The following RTF2 variants were observed in gnomAD, a reference collection of about 807,000 sequenced individuals.
RTF2 encodes UPF0549 protein C20orf43.
In RTF2, 18 loss-of-function variants were observed where a neutral mutation model predicts 38.0. The ratio of observed to expected loss-of-function variants is 0.47; its 90% CI spans 0.33 to 0.70. The LOEUF is 0.70. Among genes scored for constraint, RTF2 ranks in the 30% least tolerant of loss-of-function variants. RTF2 has a pLI of 0.02. For synonymous variants in RTF2, 126 were observed against 137.1 expected (o/e 0.92, Z 0.57); for missense variants, 311 against 379.6 (o/e 0.82, Z 1.50).
chr20:56,498,580 A>G (rs1401068877), intron 5 of RTF2, among the ~76,000 whole-genome samples: 2 of 152,192 alleles, frequency 1.3e-5, no homozygotes, highest in Non-Finnish European at 2.9e-5. Flanking sequence ...ACATTATTTG[A>G]TAATCATGTA....
At chr20:56,491,682 G>GGTCT in intron 5 of RTF2, 1 of 1,552,252 alleles carries the variant, frequency 6.4e-7, no homozygotes, top group African/African-American at 1.4e-5. Context: ...ACCACAAGCG[G>GGTCT]GTCTGTCGAG....
At chr20:56,469,501 C>T (rs577722958) in intron 1 of RTF2, among the ~76,000 whole-genome samples, 1 of 152,202 alleles carries the variant, frequency 6.6e-6, no homozygotes, top group Non-Finnish European at 1.5e-5. Context: ...GGTAGTGAAG[C>T]CAGGATTCCC....
intron 1 of RTF2, among the ~76,000 whole-genome samples, chr20:56,471,105 GC>G (rs1045335619): frequency 2.6e-5 from 4 of 152,100 alleles, no homozygotes; most frequent in African/African-American, 4.8e-5. Context: ...ATGGGACTGA[GC>G]CCTTAACCTT....
intron 5 of RTF2, among the ~76,000 whole-genome samples, chr20:56,492,231 C>T (rs1983196469): frequency 6.6e-6 from 1 of 151,668 alleles, no homozygotes; most frequent in Non-Finnish European, 1.5e-5. Context: ...ACATGCACCA[C>T]CATGCCCAGC....
intron 2 of RTF2, 70 bp from the exon 3 acceptor site, chr20:56,474,608 G>T: frequency 1.0e-6 from 1 of 980,870 alleles, no homozygotes; most frequent in African/African-American, 1.6e-5. Flanking sequence ...ATTGTGTTCA[G>T]TTTATTCTTC....
In RTF2 at chr20:56,484,189, G is replaced by A. The variant is rs531142784; in HGVS notation, c.477G>A (p.Thr159=). The change falls in exon 5 of 9, where the codon ACG becomes ACA. Residue 159 remains threonine, a splice_region_variant and synonymous_variant. Transcript: ENST00000357348. ...AGATAAAAGCGGAAGTTTGCCACAC[G>A]GTGAGTTCCTGACATGTACCATTTG... ...LKEIKAEVCH[T]CGAAFQEDDV... is the part of the protein sequence containing the mutation. 8 of 1,612,400 alleles carry A rather than the reference G, an allele frequency of 5.0e-6. No homozygotes were observed. The highest frequency in any genetic ancestry group is 3.3e-5 in the South Asian group (3 of 91,028).
intron 4 of RTF2, among the ~76,000 whole-genome samples, chr20:56,477,484 A>G (rs1402161750): frequency 6.6e-6 from 1 of 152,214 alleles, no homozygotes; most frequent in Non-Finnish European, 1.5e-5. Flanking sequence ...TTTCCTATCA[A>G]GCAAATCCCA....
chr20:56,479,938 CA>C, intron 4 of RTF2, among the ~76,000 whole-genome samples: 1 of 151,536 alleles, frequency 6.6e-6, no homozygotes, highest in Middle Eastern at 3.4e-3. Context: ...AGAGTACAGG[CA>C]GAGTAGACTT....
chr20:56,505,004 A>G (rs1489427079), intron 5 of RTF2, among the ~76,000 whole-genome samples: 1 of 152,222 alleles, frequency 6.6e-6, no homozygotes, highest in East Asian at 1.9e-4. Context: ...TGTGGCATTC[A>G]TGTGGCCTTC....
intron 5 of RTF2, chr20:56,496,808 G>C (rs200535358): frequency 1.1e-4 from 176 of 1,551,904 alleles, no homozygotes; most frequent in Non-Finnish European, 1.5e-4. Context: ...GGGGTGGTTT[G>C]TCTTTGAATC....
At chr20:56,506,705 AT>A (rs543477984) in intron 5 of RTF2, among the ~76,000 whole-genome samples, 19 of 148,802 alleles carry the variant, frequency 1.3e-4, no homozygotes, top group South Asian at 2.1e-4. Context: ...ATGTATTATA[AT>A]TTTTTTTTTT....
Position 56,513,195 on chromosome 20 carries a change from G to A in RTF2, c.478-120G>A, listed in dbSNP as rs529873207. On this transcript the variant is annotated intron_variant, in intron 5 of 8. Coordinates refer to ENST00000357348, the MANE Select transcript of RTF2 (RefSeq NM_016407.5). ...AAACCAAGGCTTTGACCAGAAAGCC[G>A]GTAATAGGAATTTACTCGGAGCCTG... is the stretch of plus-strand genomic sequence containing the variant. The A allele has an allele frequency of 2.5e-4, 333 of 1,351,030 alleles. 1 individual carries two copies. The African/African-American group carries it at 2.5e-3, about 10-fold the overall frequency. 83.7% of individuals were successfully genotyped at this position (1,351,030 alleles called of 1,614,324 possible).
chr20:56,505,490 A>AATAATAAT (rs1017097058), intron 5 of RTF2, among the ~76,000 whole-genome samples: 3 of 146,948 alleles, frequency 2.0e-5, no homozygotes, highest in Non-Finnish European at 3.0e-5. Context: ...GCCATCTCAT[A>AATAATAAT]ATAATAATAA....
intron 5 of RTF2, among the ~76,000 whole-genome samples, chr20:56,508,559 G>C (rs985884482): frequency 2.6e-5 from 4 of 152,118 alleles, no homozygotes; most frequent in Non-Finnish European, 5.9e-5. Flanking sequence ...ACATTTAATA[G>C]AGTTTTTCAT....
intron 5 of RTF2, chr20:56,495,359 G>A (rs1361308361): frequency 3.2e-6 from 4 of 1,249,894 alleles, no homozygotes; most frequent in Non-Finnish European, 4.6e-6. Context: ...TTTAGTACAA[G>A]TTCTTCTGTG....
chr20:56,468,873 C>T, intron 1 of RTF2, 107 bp downstream of exon 1: 2 of 902,338 alleles, frequency 2.2e-6, no homozygotes, highest in Non-Finnish European at 3.5e-6. Context: ...CCAGACCTGG[C>T]TGCGGTCTTT....
intron 4 of RTF2, among the ~76,000 whole-genome samples, chr20:56,481,605 G>A (rs1982527874): frequency 6.6e-6 from 1 of 151,726 alleles, no homozygotes; most frequent in Admixed American, 6.6e-5. Context: ...ATGTGTGTGT[G>A]TTTGCATATA....
chr20:56,497,742 A>G (rs1307372951), intron 5 of RTF2: 6 of 491,926 alleles, frequency 1.2e-5, no homozygotes, highest in Non-Finnish European at 1.6e-5. Context: ...ACTAAACTAC[A>G]TATACACACC....
intron 5 of RTF2, among the ~76,000 whole-genome samples, chr20:56,512,462 C>CATGG (rs1328371699): frequency 3.5e-4 from 53 of 152,116 alleles, no homozygotes; most frequent in Non-Finnish European, 7.2e-4. Context: ...CCACCAGTGA[C>CATGG]AGCATGGTCA....
Sources: gnomAD v4.1 joint callset for allele counts (sites outside exome capture counted in the v4.1 genomes callset) on GRCh38, gnomAD v4.1.1 for gene constraint, MANE v1.5 for transcripts, NCBI Gene and HGNC (gene_info 2026-07-23, HGNC 2026-07-21) for gene names.